FRY: variants seen among roughly 807,000 people sequenced by gnomAD.
The protein encoded by FRY is FRY microtubule binding protein.
FRY carries 128 observed loss-of-function variants against 348.4 expected under a neutral mutation model. The ratio of observed to expected loss-of-function variants is 0.37; its 90% CI spans 0.32 to 0.43. The LOEUF (loss-of-function observed/expected upper bound fraction) is 0.43. FRY is among the 20% of genes least tolerant of loss of function. The pLI is 1.00. For synonymous variants in FRY, 1,370 were observed against 1,374.7 expected, an observed-to-expected ratio of 1.00 and a Z score of 0.08; for missense variants, 2,736 against 3,695.2, an observed-to-expected ratio of 0.74 and a Z score of 6.73.
chr13:32,230,356 G>A (rs1430094066), intron 40 of FRY, among the ~76,000 whole-genome samples: 1 of 152,192 alleles, frequency 6.6e-6, no homozygotes, highest in Non-Finnish European at 1.5e-5. Flanking sequence ...TTGCTAAGGT[G>A]ATAGCCTCCA....
chr13:32,267,191 A>T lies in FRY; in HGVS notation c.7968A>T (p.Gly2656=), dbSNP rs770905997. ...CCAGCTTTGGAGAAGGTGACAGGGG[A>T]GTCTCTCCCCCTCCCTCGCCCTTCT... is the stretch of plus-strand genomic sequence containing the variant. ...TLASFGEGDR[G]VSPPPSPFFS... is the part of the protein sequence containing the mutation. Residue 2656 remains glycine, a synonymous_variant, in exon 55 of 61, where the codon GGA becomes GGT. Transcript: ENST00000542859. 35 of 1,606,528 alleles carry T rather than the reference A, an allele frequency of 2.2e-5. No homozygotes were observed. The South Asian group carries it at 3.3e-4, about 15-fold the overall frequency.
intron 40 of FRY, 27 bp from the exon 41 acceptor site, chr13:32,231,152 T>C: frequency 6.2e-7 from 1 of 1,608,662 alleles, no homozygotes; most frequent in South Asian, 1.1e-5. Context: ...CAGTTATATT[T>C]TTGACATTTT....
chr13:32,149,879 G>A (rs757826644), intron 14 of FRY, 45 bp downstream of exon 14: 16 of 1,173,438 alleles, frequency 1.4e-5, no homozygotes, highest in East Asian at 9.3e-5. Context: ...CATGTCTTCC[G>A]GAGCCATACC....
At position 32,247,438 on chromosome 13, in the gene FRY, T is replaced by A; in HGVS notation, c.6944T>A (p.Val2315Glu). The A allele has an allele frequency of 1.2e-6, 2 of 1,613,468 alleles. No homozygotes were observed. The highest frequency in any genetic ancestry group is 1.7e-6 in the Non-Finnish European group (2 of 1,179,416). The stretch of plus-strand genomic sequence containing the variant: ...CTCTCAAAAATAGAAATACATCGAG[T>A]GTGGACTAGTGCTTCCAAGGAATTA... Reference protein sequence around the residue: ...SDLSKIEIHRVWTSASKELPG... With the variant: ...SDLSKIEIHREWTSASKELPG... The change falls in exon 48 of 61, where the codon GTG (valine) becomes GAG (glutamate). Residue 2315 changes from valine (V) to glutamate (E), a missense_variant. Transcript: ENST00000542859.
At chr13:32,057,730 C>T (rs1873714525) in intron 1 of FRY, among the ~76,000 whole-genome samples, 1 of 152,128 alleles carries the variant, frequency 6.6e-6, no homozygotes, top group South Asian at 2.1e-4. Context: ...GAGGCTGAGG[C>T]AGGCAGATCA....
chr13:32,114,606 T>A (rs897985315), intron 3 of FRY, among the ~76,000 whole-genome samples: 2 of 152,222 alleles, frequency 1.3e-5, no homozygotes, highest in Non-Finnish European at 2.9e-5. Context: ...ACACAAGTAT[T>A]TTTAAATTAT....
At chr13:32,105,485 A>G (rs80202439) in intron 3 of FRY, among the ~76,000 whole-genome samples, 4,739 of 152,288 alleles carry the variant, frequency 0.031, 259 homozygotes, top group African/African-American at 0.11. Context: ...AACTATAAGA[A>G]TTTCAGTTCC....
At chr13:32,173,760 C>T (rs1188051202) in intron 19 of FRY, among the ~76,000 whole-genome samples, 1 of 152,114 alleles carries the variant, frequency 6.6e-6, no homozygotes, top group Non-Finnish European at 1.5e-5. Flanking sequence ...AGACAAATCC[C>T]AGTTCTCCAG....
At chr13:32,095,906 C>T (rs1876673494) in intron 2 of FRY, among the ~76,000 whole-genome samples, 1 of 152,092 alleles carries the variant, frequency 6.6e-6, no homozygotes, top group African/African-American at 2.4e-5. Context: ...CTAACCTTTC[C>T]TCTCTTTTTA....
chr13:32,219,598 A>C (rs1362204000), intron 36 of FRY, among the ~76,000 whole-genome samples: 1 of 151,388 alleles, frequency 6.6e-6, no homozygotes, highest in Admixed American at 6.6e-5. Flanking sequence ...CTCTACTAAA[A>C]AATACAAAAA....
In FRY at chr13:32,234,119, C is replaced by CAAAA. The variant is rs11322238; in HGVS notation, c.5528-437_5528-434dup. The stretch of plus-strand genomic sequence containing the variant: ...GGGCAACAAAGAAAGACCCTGTTTC[C>CAAAA]AAAAAAAAAAAAAAAAAAAAAGCTT... On this transcript the variant is annotated intron_variant, in intron 41 of 60. Transcript: ENST00000542859. 2.6e-4 allele frequency among the ~76,000 whole-genome samples: 20 copies of CAAAA among 76,162 alleles called. 1 individual carries two copies. Among genetic ancestry groups the CAAAA allele is most frequent in the Admixed American group, 4.5e-4 (3 of 6,620 alleles). 50.0% of individuals were successfully genotyped at this position (76,162 alleles called of 152,430 possible).
At chr13:32,183,904 A>G (rs1027333949) in intron 24 of FRY, among the ~76,000 whole-genome samples, 4 of 152,162 alleles carry the variant, frequency 2.6e-5, no homozygotes, top group African/African-American at 7.2e-5. Flanking sequence ...TGGGAGGCCA[A>G]TGTAGAAGGA....
intron 17 of FRY, among the ~76,000 whole-genome samples, chr13:32,162,088 A>G (rs777698024): frequency 6.6e-6 from 1 of 152,218 alleles, no homozygotes; most frequent in Non-Finnish European, 1.5e-5. Flanking sequence ...TACAAACCCA[A>G]TGATGAAAGG....
chr13:32,261,955 G>T lies in FRY; in HGVS notation c.7617+139G>T, dbSNP rs1295654919. The T allele has an allele frequency of 3.7e-6, 3 of 812,334 alleles. No homozygotes were observed. In the African/African-American group the frequency reaches 5.1e-5, roughly 14 times the overall value. 50.3% of individuals were successfully genotyped at this position (812,334 alleles called of 1,614,324 possible). ...TCGGAACTGTCAGGTGGTGTCATAC[G>T]GGTTCTAGCTGGCAGAGTCTTCTCT... On this transcript the variant is annotated intron_variant, in intron 52 of 60. Coordinates refer to ENST00000542859, the MANE Select transcript of FRY (RefSeq NM_023037.3).
chr13:32,183,309 G>A (rs1882817464), intron 24 of FRY, among the ~76,000 whole-genome samples: 1 of 152,162 alleles, frequency 6.6e-6, no homozygotes, highest in Non-Finnish European at 1.5e-5. Context: ...GGAGGTTTGA[G>A]TTAAAATTGA....
chr13:32,087,559 A>G lies in FRY; in HGVS notation c.270+8526A>G, dbSNP rs191880624. Among the ~76,000 whole-genome samples the G allele has an allele frequency of 2.6e-3, 401 of 152,338 alleles. 1 individual carries two copies. Among genetic ancestry groups the G allele is most frequent in the Non-Finnish European group, 3.2e-3 (220 of 68,024 alleles). ...GTCTAAGTAAGCAAGTCCTTTGGCAAGTGACATACATACTCATCCCAGCTT... is the reference window on the plus strand; with the variant it reads ...GTCTAAGTAAGCAAGTCCTTTGGCAGGTGACATACATACTCATCCCAGCTT... On this transcript the variant is annotated intron_variant, in intron 2 of 60. Coordinates refer to ENST00000542859, the MANE Select transcript of FRY (RefSeq NM_023037.3).
At chr13:32,170,026 CCTAGCTTCTACCCA>C (rs750552625) in intron 17 of FRY, among the ~76,000 whole-genome samples, 6 of 152,068 alleles carry the variant, frequency 3.9e-5, no homozygotes, top group Non-Finnish European at 7.4e-5. Flanking sequence ...GAGCAGCATC[CCTAGCTTCTACCCA>C]CTAGAGAAAT....
chr13:32,136,999 T>G, intron 11 of FRY, 27 bp downstream of exon 11: 1 of 1,290,782 alleles, frequency 7.7e-7, no homozygotes, highest in Non-Finnish European at 1.1e-6. Context: ...TCAAAAACGA[T>G]CTCTTTAAAA....
At chr13:32,201,384 A>C (rs1006600979) in intron 29 of FRY, among the ~76,000 whole-genome samples, 1 of 152,200 alleles carries the variant, frequency 6.6e-6, no homozygotes, top group Non-Finnish European at 1.5e-5. Flanking sequence ...TGGATGTTCC[A>C]ACAACACTCA....
Sources: allele counts gnomAD v4.1 joint callset (sites outside exome capture counted in the v4.1 genomes callset), GRCh38; gene constraint gnomAD v4.1.1; transcripts MANE v1.5; gene names NCBI Gene and HGNC (gene_info 2026-07-23, HGNC 2026-07-21).